Variants in RYR3 observed in about 807,000 individuals in gnomAD.
RYR3 encodes ryanodine receptor 3, also known as brain ryanodine receptor-calcium release channel.
A neutral mutation model predicts 584.3 loss-of-function variants in RYR3; 207 were observed. The observed-to-expected ratio is 0.35, with a 90% confidence interval of 0.32 to 0.40. RYR3 has a LOEUF of 0.40. Among genes scored for constraint, RYR3 ranks in the 10% least tolerant of loss-of-function variants. RYR3 has a pLI of 1.00. For synonymous variants in RYR3, 2,416 were observed against 2,248.5 expected, an observed-to-expected ratio of 1.07 and a Z score of -2.11; for missense variants, 5,616 against 6,089.2, an observed-to-expected ratio of 0.92 and a Z score of 2.59.
intron 1 of RYR3, among the ~76,000 whole-genome samples, chr15:33,464,463 G>GATATATATATATAT (rs569756898): frequency 1.3e-5 from 1 of 79,262 alleles, no homozygotes; most frequent in East Asian, 4.8e-4. Context: ...GGGAGGTGGA[G>GATATATATATATAT]ATATATATAT....
chr15:33,755,260 A>G (rs1394087967), intron 58 of RYR3, 80 bp downstream of exon 58: 4 of 895,316 alleles, frequency 4.5e-6, no homozygotes, highest in Admixed American at 2.1e-5. Context: ...GTAACTTTTT[A>G]TGATTCATTT....
intron 1 of RYR3, among the ~76,000 whole-genome samples, chr15:33,435,820 T>C (rs2045664711): frequency 6.6e-6 from 1 of 152,084 alleles, no homozygotes; most frequent in South Asian, 2.1e-4. Context: ...AGCAGCAAGA[T>C]TTATTATGAA....
intron 1 of RYR3, among the ~76,000 whole-genome samples, chr15:33,453,378 G>A (rs1175189794): frequency 6.6e-6 from 1 of 152,108 alleles, no homozygotes; most frequent in Non-Finnish European, 1.5e-5. Flanking sequence ...GGGGACTTTT[G>A]TGTATTCTAG....
intron 3 of RYR3, among the ~76,000 whole-genome samples, chr15:33,526,927 G>T (rs2054439290): frequency 6.6e-6 from 1 of 152,184 alleles, no homozygotes; most frequent in South Asian, 2.1e-4. Context: ...AGATGTTTGA[G>T]CACAGAACTG....
chr15:33,663,464 G>C, intron 35 of RYR3, 73 bp from the exon 36 acceptor site: 1 of 1,304,248 alleles, frequency 7.7e-7, no homozygotes, highest in Non-Finnish European at 1.1e-6. Context: ...CAGTGCTACT[G>C]TCTGTAAAAT....
At chr15:33,593,798 T>C (rs542204204) in intron 16 of RYR3, among the ~76,000 whole-genome samples, 2 of 152,240 alleles carry the variant, frequency 1.3e-5, no homozygotes, top group Non-Finnish European at 2.9e-5. Flanking sequence ...ACAACAGGTC[T>C]ACTTGAAACA....
At chr15:33,699,450 C>G (rs186087443) in intron 40 of RYR3, among the ~76,000 whole-genome samples, 11 of 152,090 alleles carry the variant, frequency 7.2e-5, no homozygotes, top group Non-Finnish European at 4.4e-5. Flanking sequence ...GAAACAATAG[C>G]CTGGTAGAAG....
chr15:33,644,573 A>G (rs2061995216), intron 28 of RYR3, 54 bp downstream of exon 28: 1 of 1,393,320 alleles, frequency 7.2e-7, no homozygotes, highest in African/African-American at 1.4e-5. Flanking sequence ...CAAGGCCCTA[A>G]GCTTGCCCTA....
intron 67 of RYR3, among the ~76,000 whole-genome samples, chr15:33,789,073 C>G (rs952498204): frequency 2.6e-5 from 4 of 151,586 alleles, no homozygotes; most frequent in Non-Finnish European, 5.9e-5. Context: ...GGGGGTGTTG[C>G]AGGAAGAGGA....
chr15:33,728,737 T>C (rs2068677090), intron 46 of RYR3, 120 bp from the exon 47 acceptor site: 2 of 933,070 alleles, frequency 2.1e-6, no homozygotes, highest in African/African-American at 1.7e-5. Flanking sequence ...TCAATCTGTA[T>C]TTTTCCAAAA....
chr15:33,463,739 G>A (rs1251822520), intron 1 of RYR3, among the ~76,000 whole-genome samples: 1 of 152,124 alleles, frequency 6.6e-6, no homozygotes, highest in African/African-American at 2.4e-5. Context: ...TCAAGCCATG[G>A]GAGGCTGAGT....
chr15:33,802,519 A>AAG (rs35648939), intron 69 of RYR3, among the ~76,000 whole-genome samples: 99,666 of 151,802 alleles, frequency 0.66, 33,186 homozygotes, highest in East Asian at 0.96. Context: ...ATGTTTGAAA[A>AAG]GGCATATCGG....
At chr15:33,683,246 G>T (rs2064759044) in intron 38 of RYR3, among the ~76,000 whole-genome samples, 2 of 151,782 alleles carry the variant, frequency 1.3e-5, no homozygotes, top group South Asian at 4.2e-4. Context: ...CACCTGCCTT[G>T]GCCTCCCAAA....
chr15:33,444,540 T>C (rs779531368), intron 1 of RYR3, among the ~76,000 whole-genome samples: 3 of 152,154 alleles, frequency 2.0e-5, no homozygotes, highest in Admixed American at 1.3e-4. Context: ...TCAAGGAGTT[T>C]ACATACTAGT....
Position 33,646,343 on chromosome 15 carries a change from G to T in RYR3, c.3766-8G>T. On this transcript the variant is annotated splice_region_variant and splice_polypyrimidine_tract_variant and intron_variant, in intron 28 of 103. Coordinates refer to ENST00000634891, the MANE Select transcript of RYR3 (RefSeq NM_001036.6). ...GTATGTCAAGGTAAGGACTCGTCCTGTTTCCAGGTCATGAGGATTGATGGC... is the reference window on the plus strand; with the variant it reads ...GTATGTCAAGGTAAGGACTCGTCCTTTTTCCAGGTCATGAGGATTGATGGC... 6.3e-7 allele frequency: 1 copy of T among 1,594,618 alleles called. No individual in the cohort carries two copies. Among genetic ancestry groups the T allele is most frequent in the Non-Finnish European group, 8.6e-7 (1 of 1,166,526 alleles).
intron 102 of RYR3, among the ~76,000 whole-genome samples, chr15:33,862,448 C>T (rs1200480213): frequency 6.6e-6 from 1 of 152,108 alleles, no homozygotes; most frequent in Non-Finnish European, 1.5e-5. Context: ...CTCAAGCTAT[C>T]CACCCACCTT....
chr15:33,649,462 G>A (rs2062325144), intron 31 of RYR3, among the ~76,000 whole-genome samples: 1 of 152,186 alleles, frequency 6.6e-6, no homozygotes, highest in South Asian at 2.1e-4. Flanking sequence ...ACCCAGAGAT[G>A]GAAAATATAG....
intron 1 of RYR3, among the ~76,000 whole-genome samples, chr15:33,314,123 T>C (rs1967744819): frequency 6.6e-6 from 1 of 152,216 alleles, no homozygotes; most frequent in African/African-American, 2.4e-5. Flanking sequence ...AACTAAATGC[T>C]ACTGTACCCC....
intron 1 of RYR3, among the ~76,000 whole-genome samples, chr15:33,346,832 T>C (rs1972514879): frequency 6.6e-6 from 1 of 152,180 alleles, no homozygotes. Flanking sequence ...TTAAAATTAC[T>C]AGGCTTTATT....
Sources: allele counts gnomAD v4.1 joint callset (sites outside exome capture counted in the v4.1 genomes callset), GRCh38; gene constraint gnomAD v4.1.1; transcripts MANE v1.5; gene names NCBI Gene and HGNC (gene_info 2026-07-23, HGNC 2026-07-21).